MRAS: variants seen among roughly 807,000 people sequenced by gnomAD.
The protein encoded by MRAS is ras-related protein M-Ras.
Under a neutral mutation model 20.9 loss-of-function variants are expected in MRAS, and 4 were observed. The ratio of observed to expected loss-of-function variants is 0.19; its 90% CI spans 0.09 to 0.44. The LOEUF (loss-of-function observed/expected upper bound fraction) is 0.44. MRAS is among the 20% of genes least tolerant of loss of function. The pLI is 0.99. For missense variants in MRAS, 154 were observed against 277.5 expected (o/e 0.56, Z 3.16); for synonymous variants, 98 against 102.9 (o/e 0.95, Z 0.29).
At chr3:138,376,844 C>T (rs563227142) in intron 2 of MRAS, among the ~76,000 whole-genome samples, 2 of 152,250 alleles carry the variant, frequency 1.3e-5, no homozygotes, top group East Asian at 3.9e-4. Flanking sequence ...ATTTTTTGCA[C>T]GTGATTCTGA....
Position 138,352,211 on chromosome 3 carries a change from G to A in MRAS, c.-19+3444G>A, listed in dbSNP as rs144741709. ...CTGAGGTGGAGACCACGCTGCACTCGCCATGCATTCAATGGTGCCCCATCT... is the reference window on the plus strand; with the variant it reads ...CTGAGGTGGAGACCACGCTGCACTCACCATGCATTCAATGGTGCCCCATCT... On this transcript the variant is annotated intron_variant, in intron 1 of 5. Transcript: ENST00000423968. Among the ~76,000 whole-genome samples the A allele has an allele frequency of 1.3e-3, 205 of 152,282 alleles. 2 individuals carry two copies. Among genetic ancestry groups the A allele is most frequent in the Non-Finnish European group, 8.7e-4 (59 of 68,028 alleles).
chr3:138,357,276 C>G (rs1274666551), intron 1 of MRAS, among the ~76,000 whole-genome samples: 1 of 152,240 alleles, frequency 6.6e-6, no homozygotes, highest in East Asian at 1.9e-4. Flanking sequence ...AGGGAGGGGT[C>G]TGAGGCCACC....
intron 1 of MRAS, among the ~76,000 whole-genome samples, chr3:138,355,967 C>T (rs2054322952): frequency 1.3e-5 from 2 of 152,152 alleles, no homozygotes; most frequent in Non-Finnish European, 2.9e-5. Flanking sequence ...AGATCCTTTT[C>T]CCTCATTCTG....
chr3:138,348,421 C>T (rs1371541067), upstream of MRAS: 1 of 152,132 alleles, frequency 6.6e-6, no homozygotes, highest in African/African-American at 2.4e-5. Flanking sequence ...CGCGGGTGGG[C>T]TGGACTTCGT....
intron 2 of MRAS, among the ~76,000 whole-genome samples, chr3:138,396,187 A>G (rs1488600131): frequency 1.3e-5 from 2 of 152,220 alleles, no homozygotes; most frequent in Non-Finnish European, 2.9e-5. Context: ...TGGCAAGCTC[A>G]CAGCAGACCC....
chr3:138,396,389 C>T (rs2055235862), intron 2 of MRAS, among the ~76,000 whole-genome samples: 1 of 152,216 alleles, frequency 6.6e-6, no homozygotes, highest in Non-Finnish European at 1.5e-5. Context: ...CGCTCCCCTG[C>T]CTCACAGGAG....
chr3:138,362,161 C>T (rs1487308208), intron 1 of MRAS, among the ~76,000 whole-genome samples: 3 of 152,182 alleles, frequency 2.0e-5, no homozygotes, highest in African/African-American at 4.8e-5. Flanking sequence ...GAATATTGCT[C>T]TGAAGGTTCT....
rs115456926 is a variant in MRAS at position 138,387,263 on chromosome 3, A to G, written c.194-10061A>G. Reference sequence around the variant, plus strand: ...ATGAGTTTTCTCTTCCCTGCCACCCATGGCTGCCCAGGCGCAGGTGCGGAG... The same window carrying G: ...ATGAGTTTTCTCTTCCCTGCCACCCGTGGCTGCCCAGGCGCAGGTGCGGAG... On this transcript the variant is annotated intron_variant, in intron 2 of 5. Coordinates refer to ENST00000423968, the MANE Select transcript of MRAS (RefSeq NM_001085049.3). 9.2e-3 allele frequency among the ~76,000 whole-genome samples: 1,401 copies of G among 152,356 alleles called. 16 individuals are homozygous for G. Among genetic ancestry groups the G allele is most frequent in the African/African-American group, 0.033 (1,353 of 41,580 alleles).
At chr3:138,393,709 G>C (rs1183106577) in intron 2 of MRAS, among the ~76,000 whole-genome samples, 1 of 149,026 alleles carries the variant, frequency 6.7e-6, no homozygotes, top group Non-Finnish European at 1.5e-5. Flanking sequence ...TTTTTTTTGA[G>C]ACAGAGCTTC....
intron 1 of MRAS, among the ~76,000 whole-genome samples, chr3:138,368,434 G>A (rs565046129): frequency 8.5e-5 from 13 of 152,298 alleles, no homozygotes; most frequent in Admixed American, 2.0e-4. Flanking sequence ...ATCCTACAAA[G>A]TATGAGTCTC....
intron 4 of MRAS, among the ~76,000 whole-genome samples, chr3:138,398,800 G>T (rs2055296774): frequency 6.6e-6 from 1 of 152,184 alleles, no homozygotes; most frequent in African/African-American, 2.4e-5. Flanking sequence ...AGGTGTCTGG[G>T]ACCTGGGGGG....
chr3:138,359,904 CT>C (rs1250615476), intron 1 of MRAS, among the ~76,000 whole-genome samples: 4 of 152,294 alleles, frequency 2.6e-5, no homozygotes, highest in Non-Finnish European at 5.9e-5. Context: ...ATGTGTAAAA[CT>C]TTTTCATTGG....
At chr3:138,373,220 G>T in intron 2 of MRAS, 144 bp downstream of exon 2, 1 of 810,082 alleles carries the variant, frequency 1.2e-6, no homozygotes, top group Non-Finnish European at 1.7e-6. Flanking sequence ...GTCGTTTTCA[G>T]GGTGAATTCT....
rs138438100 is a variant in MRAS at position 138,405,237 on chromosome 3, G to A, written c.*2968G>A. On this transcript the variant is annotated 3_prime_UTR_variant, in exon 6 of 6. Coordinates refer to ENST00000423968, the MANE Select transcript of MRAS (RefSeq NM_001085049.3). The stretch of plus-strand genomic sequence containing the variant: ...TTTCCAGGAGACATGACCCACTAAC[G>A]TGGCAACTTTAACCCAAAGGCCCCT... 1.3e-5 allele frequency: 2 copies of A among 152,748 alleles called. No individual in the cohort carries two copies. Among genetic ancestry groups the A allele is most frequent in the African/African-American group, 2.4e-5 (1 of 41,578 alleles). The allele number at this position is 152,748 out of a possible 1,614,324, so 9.5% of individuals were successfully genotyped here.
intron 2 of MRAS, among the ~76,000 whole-genome samples, chr3:138,387,286 G>C (rs571346999): frequency 1.1e-3 from 160 of 152,338 alleles, no homozygotes; most frequent in African/African-American, 3.7e-3. Context: ...CGCAGGTGCG[G>C]AGTAGGTGGA....
At chr3:138,366,821 A>G (rs1177412575) in intron 1 of MRAS, among the ~76,000 whole-genome samples, 1 of 152,210 alleles carries the variant, frequency 6.6e-6, no homozygotes, top group Non-Finnish European at 1.5e-5. Context: ...TGGCCAGTAC[A>G]TAGGACACTG....
chr3:138,350,942 C>CAA (rs66738068), intron 1 of MRAS, among the ~76,000 whole-genome samples: 1,752 of 67,882 alleles, frequency 0.026, 54 homozygotes, highest in African/African-American at 0.087. Context: ...GACCCTGTCT[C>CAA]AAAAAAAAAA....
intron 2 of MRAS, among the ~76,000 whole-genome samples, chr3:138,394,405 A>G (rs546934139): frequency 6.6e-6 from 1 of 152,236 alleles, no homozygotes; most frequent in South Asian, 2.1e-4. Context: ...GAAGTGCCAA[A>G]TGGCTCTGGG....
chr3:138,350,176 C>T (rs1284793783), intron 1 of MRAS: 1 of 152,230 alleles, frequency 6.6e-6, no homozygotes, highest in Non-Finnish European at 1.5e-5. Context: ...AGCACTTTCT[C>T]GGATACGGTT....
Sources: gnomAD v4.1 joint callset for allele counts (sites outside exome capture counted in the v4.1 genomes callset) on GRCh38, gnomAD v4.1.1 for gene constraint, MANE v1.5 for transcripts, NCBI Gene and HGNC (gene_info 2026-07-23, HGNC 2026-07-21) for gene names.